Variants in MSH3 observed in about 807,000 individuals in gnomAD.
The protein encoded by MSH3 is mutS homolog 3, also known as DNA mismatch repair protein Msh3.
Under a neutral mutation model 123.3 loss-of-function variants are expected in MSH3, and 106 were observed. That is an observed-to-expected ratio of 0.86 (90% CI 0.73 to 1.01). MSH3 has a LOEUF of 1.01. Ranked by LOEUF, MSH3 falls within the 50% of genes least tolerant of loss-of-function variation. The pLI is 0.00. For synonymous variants in MSH3, 515 were observed against 481.4 expected, an observed-to-expected ratio of 1.07 and a Z score of -0.91; for missense variants, 1,459 against 1,347.6, an observed-to-expected ratio of 1.08 and a Z score of -1.29.
intron 8 of MSH3, among the ~76,000 whole-genome samples, chr5:80,712,932 T>C (rs1366962007): frequency 2.0e-5 from 3 of 152,188 alleles, no homozygotes; most frequent in Non-Finnish European, 4.4e-5. Flanking sequence ...CCAGGTTACC[T>C]TGTCTGTCCT....
chr5:80,809,355 T>G (rs1744966024), intron 19 of MSH3, among the ~76,000 whole-genome samples: 1 of 139,094 alleles, frequency 7.2e-6, no homozygotes, highest in African/African-American at 2.7e-5. Flanking sequence ...GTTTACCAAG[T>G]TAATACTTTT....
At chr5:80,786,937 A>T (rs1021269594) in intron 17 of MSH3, among the ~76,000 whole-genome samples, 1 of 151,534 alleles carries the variant, frequency 6.6e-6, no homozygotes, top group Non-Finnish European at 1.5e-5. Flanking sequence ...TTAAAAAACA[A>T]ATCTGAAATT....
At chr5:80,799,758 T>TTA in intron 19 of MSH3, among the ~76,000 whole-genome samples, 1 of 152,252 alleles carries the variant, frequency 6.6e-6, no homozygotes, top group East Asian at 1.9e-4. Context: ...GAGGATGAAC[T>TTA]TCACTTAACA....
At chr5:80,831,951 A>G (rs1446763666) in intron 20 of MSH3, among the ~76,000 whole-genome samples, 4 of 151,026 alleles carry the variant, frequency 2.6e-5, no homozygotes. Context: ...TACTAAAAAT[A>G]CAAAAAAATT....
intron 21 of MSH3, among the ~76,000 whole-genome samples, chr5:80,855,062 C>T (rs6151914): frequency 0.019 from 2,934 of 152,050 alleles, 76 homozygotes; most frequent in South Asian, 0.12. Context: ...TCCTTTTTTT[C>T]AGGGTGCATT....
chr5:80,790,172 A>G lies in MSH3; in HGVS notation c.2543+2500A>G, dbSNP rs142932003. ...TGGACTTGTACACGTGGAGATGTGT[A>G]TAGGATTGTTCATTGCATCATCGTT... is the stretch of plus-strand genomic sequence containing the variant. On this transcript the variant is annotated intron_variant, in intron 18 of 23. Coordinates refer to ENST00000265081, the MANE Select transcript of MSH3 (RefSeq NM_002439.5). Among the ~76,000 whole-genome samples the G allele has an allele frequency of 9.7e-4, 147 of 152,318 alleles. 1 individual carries two copies. In the South Asian group the frequency reaches 0.017, roughly 17 times the overall value.
chr5:80,766,708 T>G lies in MSH3; in HGVS notation c.1897-1225T>G, dbSNP rs887949767. Reference sequence around the variant, plus strand: ...AAGATGGAGAGAAATTAGATGCATGTGTTTAACTCACTGTTTACCAGAAGC... The same window carrying G: ...AAGATGGAGAGAAATTAGATGCATGGGTTTAACTCACTGTTTACCAGAAGC... On this transcript the variant is annotated intron_variant, in intron 13 of 23. Transcript: ENST00000265081. Among the ~76,000 whole-genome samples, 118 of 152,042 alleles carry G rather than the reference T, an allele frequency of 7.8e-4. 2 individuals are homozygous for G. Among genetic ancestry groups the G allele is most frequent in the Admixed American group, 7.5e-3 (115 of 15,276 alleles).
intron 8 of MSH3, among the ~76,000 whole-genome samples, chr5:80,721,523 GT>G (rs3836866): frequency 0.23 from 34,502 of 152,042 alleles, 4,097 homozygotes; most frequent in Non-Finnish European, 0.27. Flanking sequence ...TGTTGTTTCT[GT>G]TTTCCGATTG....
At chr5:80,699,006 T>A (rs1255568962) in intron 8 of MSH3, among the ~76,000 whole-genome samples, 1 of 151,400 alleles carries the variant, frequency 6.6e-6, no homozygotes, top group Non-Finnish European at 1.5e-5. Context: ...AACGGTGGAG[T>A]GAGAAAGCGG....
chr5:80,800,792 C>G (rs1464142109), intron 19 of MSH3, among the ~76,000 whole-genome samples: 1 of 152,186 alleles, frequency 6.6e-6, no homozygotes, highest in Admixed American at 6.5e-5. Flanking sequence ...CTAGAAGACA[C>G]AATTCCTGCT....
chr5:80,819,865 T>C lies in MSH3; in HGVS notation c.2813+6124T>C, dbSNP rs551649962. ...AGGGATACAAACCTGAATAAGATAA[T>C]TTACCTGTCTTTAAGGCCATAGGGC... On this transcript the variant is annotated intron_variant, in intron 20 of 23. Coordinates refer to ENST00000265081, the MANE Select transcript of MSH3 (RefSeq NM_002439.5). 3.9e-5 allele frequency among the ~76,000 whole-genome samples: 6 copies of C among 152,310 alleles called. No individual in the cohort carries two copies. The East Asian group carries it at 1.2e-3, about 29-fold the overall frequency.
At chr5:80,666,943 A>G (rs1240008993) in intron 3 of MSH3, among the ~76,000 whole-genome samples, 2 of 152,214 alleles carry the variant, frequency 1.3e-5, no homozygotes, top group African/African-American at 2.4e-5. Flanking sequence ...AATAGAATGT[A>G]ATGTATCTGA....
intron 20 of MSH3, among the ~76,000 whole-genome samples, chr5:80,834,398 G>A (rs1745473351): frequency 6.7e-6 from 1 of 150,136 alleles, no homozygotes; most frequent in Non-Finnish European, 1.5e-5. Flanking sequence ...ATGGAAAGCA[G>A]TGATGGCTAC....
intron 5 of MSH3, 111 bp downstream of exon 5, chr5:80,672,471 T>G (rs1749745720): frequency 1.2e-6 from 1 of 826,100 alleles, no homozygotes; most frequent in Non-Finnish European, 2.1e-6. Flanking sequence ...GAATTTTGCA[T>G]TTTACAGAAC....
intron 17 of MSH3, 106 bp from the exon 18 acceptor site, chr5:80,787,459 A>G (rs2112019992): frequency 2.5e-6 from 2 of 789,808 alleles, no homozygotes; most frequent in Non-Finnish European, 4.6e-6. Flanking sequence ...CCTGCTGATC[A>G]TCTGTATGCT....
At chr5:80,776,513 T>C (rs576738561) in intron 16 of MSH3, among the ~76,000 whole-genome samples, 3 of 152,290 alleles carry the variant, frequency 2.0e-5, no homozygotes, top group Admixed American at 6.5e-5. Flanking sequence ...ATTATAATTC[T>C]TTACATCTTT....
At chr5:80,833,848 C>A (rs1399806435) in intron 20 of MSH3, among the ~76,000 whole-genome samples, 2 of 141,234 alleles carry the variant, frequency 1.4e-5, no homozygotes, top group African/African-American at 5.3e-5. Context: ...TACAACATAG[C>A]AGAATAATAA....
intron 20 of MSH3, among the ~76,000 whole-genome samples, chr5:80,832,938 A>G (rs1158376781): frequency 6.6e-6 from 1 of 152,158 alleles, no homozygotes; most frequent in East Asian, 1.9e-4. Context: ...TGTGATTTGA[A>G]GGGACAGAAG....
At chr5:80,798,054 A>G (rs1223374742) in intron 19 of MSH3, among the ~76,000 whole-genome samples, 3 of 152,124 alleles carry the variant, frequency 2.0e-5, no homozygotes, top group Non-Finnish European at 2.9e-5. Context: ...TATAAATTTC[A>G]ACTAATGGAG....
Sources: allele counts gnomAD v4.1 joint callset (sites outside exome capture counted in the v4.1 genomes callset), GRCh38; gene constraint gnomAD v4.1.1; transcripts MANE v1.5; gene names NCBI Gene and HGNC (gene_info 2026-07-23, HGNC 2026-07-21).